The following ATRNL1 variants were observed in gnomAD, a reference collection of about 807,000 sequenced individuals.
ATRNL1 encodes the protein attractin like 1.
A neutral mutation model predicts 182.7 loss-of-function variants in ATRNL1; 95 were observed. That is an observed-to-expected ratio of 0.52 (90% CI 0.44 to 0.62). ATRNL1 has a LOEUF of 0.62. Among genes scored for constraint, ATRNL1 ranks in the 20% least tolerant of loss-of-function variants. The pLI, the probability that ATRNL1 is intolerant of heterozygous loss-of-function variation, is 0.00. For missense variants in ATRNL1, 1,471 were observed against 1,679.5 expected (o/e 0.88, Z 2.17); for synonymous variants, 576 against 568.3 (o/e 1.01, Z -0.19).
chr10:115,921,089 A>G (rs1404750127), intron 28 of ATRNL1, among the ~76,000 whole-genome samples: 2 of 152,170 alleles, frequency 1.3e-5, no homozygotes, highest in African/African-American at 4.8e-5. Flanking sequence ...ATTTTAGAAG[A>G]CATTTTTGGA....
At chr10:115,693,675 G>A (rs1163968941) in intron 26 of ATRNL1, among the ~76,000 whole-genome samples, 2 of 151,866 alleles carry the variant, frequency 1.3e-5, no homozygotes, top group African/African-American at 4.8e-5. Context: ...TATTGCTCTC[G>A]GGCTACAAAC....
intron 26 of ATRNL1, among the ~76,000 whole-genome samples, chr10:115,665,673 A>AAATCAAGC (rs1860956531): frequency 6.6e-6 from 1 of 152,194 alleles, no homozygotes; most frequent in Non-Finnish European, 1.5e-5. Context: ...TAAATGTTAG[A>AAATCAAGC]AATCAAGCAA....
At position 115,266,945 on chromosome 10, in the gene ATRNL1, G is replaced by A; in HGVS notation, c.1921G>A (p.Glu641Lys). 1 of 1,612,094 alleles carries A rather than the reference G, an allele frequency of 6.2e-7. No homozygotes were observed. Residue 641 changes from glutamate to lysine, a missense_variant, in exon 12 of 29, where the codon GAA (glutamate) becomes AAA (lysine). This residue lies in a region of ATRNL1 where 1,031 missense variants were observed against 1,156.0 expected (regional missense o/e 0.89). Coordinates refer to ENST00000355044, the MANE Select transcript of ATRNL1 (RefSeq NM_207303.4). ...IKCVWNKNHCESWESGNTNNI... is the reference protein window; with the variant it reads ...IKCVWNKNHCKSWESGNTNNI... ...ATGTGTTTGGAATAAAAATCACTGT[G>A]AATCTTGGGAATCTGGGAATACTAA...
intron 26 of ATRNL1, among the ~76,000 whole-genome samples, chr10:115,598,923 T>C (rs111525614): frequency 5.7e-3 from 237 of 41,382 alleles, no homozygotes; most frequent in Non-Finnish European, 9.9e-3. Context: ...GTTGTGAATA[T>C]TTTCTGTTAT....
chr10:115,882,944 T>G (rs1471530388), intron 28 of ATRNL1, among the ~76,000 whole-genome samples: 1 of 152,194 alleles, frequency 6.6e-6, no homozygotes, highest in African/African-American at 2.4e-5. Context: ...TGTTTGAACT[T>G]TCTGGCTCTA....
intron 17 of ATRNL1, among the ~76,000 whole-genome samples, chr10:115,309,735 C>T (rs1352993364): frequency 1.3e-5 from 2 of 151,910 alleles, no homozygotes; most frequent in Middle Eastern, 3.2e-3. Context: ...TCTAGGTATA[C>T]AGTATAAAAT....
At chr10:115,766,534 A>G (rs1555075081) in intron 27 of ATRNL1, among the ~76,000 whole-genome samples, 1 of 152,162 alleles carries the variant, frequency 6.6e-6, no homozygotes, top group Non-Finnish European at 1.5e-5. Flanking sequence ...TGAATATCTA[A>G]TGGTGAAAAG....
At chr10:115,568,687 A>G (rs1854210309) in intron 26 of ATRNL1, among the ~76,000 whole-genome samples, 1 of 152,018 alleles carries the variant, frequency 6.6e-6, no homozygotes, top group Non-Finnish European at 1.5e-5. Flanking sequence ...ACGAAATTTG[A>G]TTTTGGAGTG....
chr10:115,622,588 T>C (rs1446278347), intron 26 of ATRNL1, among the ~76,000 whole-genome samples: 3 of 152,256 alleles, frequency 2.0e-5, no homozygotes, highest in Admixed American at 2.0e-4. Context: ...ATCAAGCAAA[T>C]TCTAAGCAAA....
At chr10:115,747,436 G>GT (rs1948324809) in intron 27 of ATRNL1, among the ~76,000 whole-genome samples, 1 of 152,100 alleles carries the variant, frequency 6.6e-6, no homozygotes, top group South Asian at 2.1e-4. Context: ...CGATAACTCA[G>GT]TGGTAATACT....
At chr10:115,633,302 A>G (rs1180148982) in intron 26 of ATRNL1, among the ~76,000 whole-genome samples, 1 of 152,222 alleles carries the variant, frequency 6.6e-6, no homozygotes, top group Non-Finnish European at 1.5e-5. Flanking sequence ...CTATCTTGAA[A>G]TAAAGATGTG....
chr10:115,907,815 G>A (rs961498447), intron 28 of ATRNL1, among the ~76,000 whole-genome samples: 71 of 152,216 alleles, frequency 4.7e-4, no homozygotes, highest in African/African-American at 1.6e-3. Context: ...TAGAGGATCT[G>A]ATGAAGGTCT....
intron 26 of ATRNL1, among the ~76,000 whole-genome samples, chr10:115,589,399 A>G (rs1161406712): frequency 4.6e-5 from 7 of 152,178 alleles, no homozygotes; most frequent in Non-Finnish European, 1.0e-4. Flanking sequence ...ATTATTTTAC[A>G]ATTATCCTTC....
At chr10:115,750,333 G>T (rs1948412738) in intron 27 of ATRNL1, among the ~76,000 whole-genome samples, 1 of 151,860 alleles carries the variant, frequency 6.6e-6, no homozygotes, top group East Asian at 1.9e-4. Context: ...AATAAAGTAT[G>T]GAAATTTAGT....
intron 5 of ATRNL1, among the ~76,000 whole-genome samples, chr10:115,136,551 A>G: frequency 6.6e-6 from 1 of 152,202 alleles, no homozygotes; most frequent in Admixed American, 6.5e-5. Context: ...TATAGTATCA[A>G]CAGAATAGTT....
chr10:115,607,912 A>G (rs1856953126), intron 26 of ATRNL1, among the ~76,000 whole-genome samples: 2 of 151,914 alleles, frequency 1.3e-5, no homozygotes, highest in Non-Finnish European at 2.9e-5. Flanking sequence ...TTCCACTGGA[A>G]ATATTTTCTC....
chr10:115,534,904 T>C (rs557994193), intron 25 of ATRNL1, among the ~76,000 whole-genome samples: 2 of 152,320 alleles, frequency 1.3e-5, no homozygotes, highest in African/African-American at 2.4e-5. Flanking sequence ...GGGTTGAAAA[T>C]TCTTTTCTTT....
chr10:115,664,628 T>C (rs1452163258), intron 26 of ATRNL1, among the ~76,000 whole-genome samples: 1 of 152,172 alleles, frequency 6.6e-6, no homozygotes, highest in Admixed American at 6.6e-5. Context: ...AGTCTATTTT[T>C]ATCAAGGTTT....
chr10:115,492,021 A>G (rs1554976672), intron 24 of ATRNL1, among the ~76,000 whole-genome samples: 1 of 152,104 alleles, frequency 6.6e-6, no homozygotes, highest in East Asian at 1.9e-4. Context: ...TTGGCTTCCC[A>G]GGTAAGGCGA....
Sources: allele counts gnomAD v4.1 joint callset (sites outside exome capture counted in the v4.1 genomes callset), GRCh38; gene constraint gnomAD v4.1.1; regional missense constraint gnomAD v4.1.1; transcripts MANE v1.5; gene names NCBI Gene and HGNC (gene_info 2026-07-23, HGNC 2026-07-21).